FOXP2: variants seen among roughly 807,000 people sequenced by gnomAD.
FOXP2 encodes the protein forkhead box protein P2.
Under a neutral mutation model 115.8 loss-of-function variants are expected in FOXP2, and 12 were observed. The observed-to-expected ratio is 0.10, with a 90% CI of 0.07 to 0.17. FOXP2 has a LOEUF of 0.17. FOXP2 is among the 10% of genes least tolerant of loss of function. The pLI is 1.00. For missense variants in FOXP2, 629 were observed against 843.5 expected (o/e 0.75, Z 3.15); for synonymous variants, 328 against 297.7 (o/e 1.10, Z -1.05).
At chr7:114,465,112 C>T (rs1342059393) in intron 2 of FOXP2, among the ~76,000 whole-genome samples, 2 of 152,044 alleles carry the variant, frequency 1.3e-5, no homozygotes, top group African/African-American at 4.8e-5. Flanking sequence ...CAATCTGATT[C>T]CTTTTTAAAA....
At chr7:114,151,019 G>C (rs559677454) in intron 1 of FOXP2, among the ~76,000 whole-genome samples, 1 of 151,918 alleles carries the variant, frequency 6.6e-6, no homozygotes, top group Non-Finnish European at 1.5e-5. Context: ...AGCTTTGAAG[G>C]GGTCATAATG....
chr7:114,267,361 T>A (rs978020583), intron 1 of FOXP2, among the ~76,000 whole-genome samples: 2 of 152,160 alleles, frequency 1.3e-5, no homozygotes, highest in African/African-American at 4.8e-5. Context: ...TACTATTCCG[T>A]ATTAGCCTAA....
chr7:114,364,900 T>A (rs1281241120), intron 2 of FOXP2, among the ~76,000 whole-genome samples: 4 of 152,154 alleles, frequency 2.6e-5, no homozygotes, highest in Admixed American at 2.6e-4. Flanking sequence ...GTAAATTTAG[T>A]ATTGTCTTGA....
intron 1 of FOXP2, among the ~76,000 whole-genome samples, chr7:114,089,639 T>C (rs1228216863): frequency 6.6e-6 from 1 of 151,926 alleles, no homozygotes; most frequent in Non-Finnish European, 1.5e-5. Flanking sequence ...ACTTCTTATA[T>C]TGCAGTGGCT....
At chr7:114,605,275 T>C (rs1255528540) in intron 3 of FOXP2, among the ~76,000 whole-genome samples, 1 of 152,192 alleles carries the variant, frequency 6.6e-6, no homozygotes, top group African/African-American at 2.4e-5. Flanking sequence ...AGAATCTTAC[T>C]CATTTTCATT....
chr7:114,239,293 A>G (rs1795094372), intron 1 of FOXP2, among the ~76,000 whole-genome samples: 1 of 152,168 alleles, frequency 6.6e-6, no homozygotes, highest in African/African-American at 2.4e-5. Flanking sequence ...AGTAAATGTA[A>G]TAATTTAAGG....
At chr7:114,318,974 T>C (rs1196795603) in intron 2 of FOXP2, among the ~76,000 whole-genome samples, 2 of 152,102 alleles carry the variant, frequency 1.3e-5, no homozygotes, top group Non-Finnish European at 2.9e-5. Context: ...CTTTAAAATG[T>C]GGATAGAATA....
chr7:114,352,136 G>A (rs1467215505), intron 2 of FOXP2, among the ~76,000 whole-genome samples: 2 of 151,962 alleles, frequency 1.3e-5, no homozygotes, highest in East Asian at 1.9e-4. Flanking sequence ...GTGTGGTGGG[G>A]CACACCTGTA....
chr7:114,592,576 G>GC (rs1322300116), intron 3 of FOXP2, among the ~76,000 whole-genome samples: 3 of 151,650 alleles, frequency 2.0e-5, no homozygotes, highest in East Asian at 3.9e-4. Context: ...TGTAAATATT[G>GC]CCCCCCTTTC....
At chr7:114,121,066 T>C (rs900020814) in intron 1 of FOXP2, among the ~76,000 whole-genome samples, 1 of 152,098 alleles carries the variant, frequency 6.6e-6, no homozygotes, top group African/African-American at 2.4e-5. Context: ...AAGAATATTA[T>C]GGACTGAATG....
chr7:114,557,700 G>A (rs1313032961), intron 3 of FOXP2, among the ~76,000 whole-genome samples: 1 of 151,902 alleles, frequency 6.6e-6, no homozygotes, highest in Non-Finnish European at 1.5e-5. Flanking sequence ...TATCTCTAAT[G>A]GCAATGCAAT....
chr7:114,494,608 T>C (rs952746668), intron 2 of FOXP2, among the ~76,000 whole-genome samples: 3 of 152,146 alleles, frequency 2.0e-5, no homozygotes, highest in Non-Finnish European at 4.4e-5. Context: ...AAGAAGGTGA[T>C]AATAAAAATC....
chr7:114,356,166 A>G (rs540613113), intron 2 of FOXP2, among the ~76,000 whole-genome samples: 3 of 152,288 alleles, frequency 2.0e-5, no homozygotes, highest in Non-Finnish European at 2.9e-5. Flanking sequence ...TAATAAATAA[A>G]TAAGTTGGTA....
intron 2 of FOXP2, among the ~76,000 whole-genome samples, chr7:114,447,704 C>T (rs995477958): frequency 2.6e-5 from 4 of 152,098 alleles, no homozygotes; most frequent in Admixed American, 6.6e-5. Flanking sequence ...AAAGTCATTT[C>T]GGGGAGTCTC....
At chr7:114,542,949 C>T (rs1011455816) in intron 3 of FOXP2, among the ~76,000 whole-genome samples, 6 of 151,862 alleles carry the variant, frequency 4.0e-5, no homozygotes, top group East Asian at 3.9e-4. Flanking sequence ...CACCACCATG[C>T]CCAACTAATT....
chr7:114,457,650 G>C (rs534854256), intron 2 of FOXP2, among the ~76,000 whole-genome samples: 60 of 152,244 alleles, frequency 3.9e-4, no homozygotes, highest in Admixed American at 1.5e-3. Context: ...TGTAATCCCA[G>C]CACTTTCGGA....
chr7:114,360,575 G>A (rs1240178559), intron 2 of FOXP2, among the ~76,000 whole-genome samples: 1 of 152,130 alleles, frequency 6.6e-6, no homozygotes, highest in South Asian at 2.1e-4. Flanking sequence ...ATTTCCTGTT[G>A]TGTGAAACTA....
chr7:114,172,985 C>T (rs910777738), intron 1 of FOXP2, among the ~76,000 whole-genome samples: 1 of 151,896 alleles, frequency 6.6e-6, no homozygotes, highest in Non-Finnish European at 1.5e-5. Context: ...AACTTTTAAT[C>T]ACAGTTTATT....
chr7:114,111,294 A>G (rs1791261914), intron 1 of FOXP2, among the ~76,000 whole-genome samples: 1 of 152,138 alleles, frequency 6.6e-6, no homozygotes, highest in Non-Finnish European at 1.5e-5. Context: ...TGCTGTCACC[A>G]TTTCAGGAAG....
Sources: gnomAD v4.1 joint callset for allele counts (sites outside exome capture counted in the v4.1 genomes callset) on GRCh38, gnomAD v4.1.1 for gene constraint, MANE v1.5 for transcripts, NCBI Gene and HGNC (gene_info 2026-07-23, HGNC 2026-07-21) for gene names.